Variants in XG observed in about 807,000 individuals in gnomAD.
XG encodes Xg glycoprotein (Xg blood group).
XG carries 24 observed loss-of-function variants against 25.7 expected under a neutral mutation model. The ratio of observed to expected loss-of-function variants is 0.93; its 90% CI spans 0.68 to 1.31. XG has a LOEUF of 1.31. XG is among the 40% of genes most tolerant of loss of function. The probability of loss-of-function intolerance (pLI) is 0.00; values close to 1 mark genes in which losing one functional copy is unlikely to be tolerated. For synonymous variants in XG, 77 were observed against 69.2 expected (o/e 1.11, Z -0.56); for missense variants, 181 against 187.6 (o/e 0.96, Z 0.21).
chrX:2,792,165 A>G (rs138391642), intron 5 of XG, among the ~76,000 whole-genome samples: 1,380 of 111,321 alleles, frequency 0.012, 27 homozygotes, highest in African/African-American at 0.042. Context: ...ACCTGTAATC[A>G]CAACTACTTG....
intron 6 of XG, among the ~76,000 whole-genome samples, chrX:2,796,137 A>G (rs1287810715): frequency 3.2e-4 from 34 of 106,846 alleles, no homozygotes; most frequent in African/African-American, 1.1e-3. Context: ...ATATGCTTTT[A>G]TATATGTATG....
intron 1 of XG, among the ~76,000 whole-genome samples, chrX:2,757,737 C>T (rs1202916521): frequency 2.0e-5 from 3 of 151,628 alleles, no homozygotes; most frequent in Admixed American, 1.3e-4. Flanking sequence ...TTTGGGAGGC[C>T]GAGTTGGGCA....
intron 3 of XG, among the ~76,000 whole-genome samples, chrX:2,777,831 C>T (rs1479379635): frequency 6.6e-6 from 1 of 151,950 alleles, no homozygotes; most frequent in African/African-American, 2.4e-5. Flanking sequence ...GAAGCCGAGG[C>T]GGGTGGATCA....
intron 1 of XG, among the ~76,000 whole-genome samples, chrX:2,756,925 C>T (rs185415214): frequency 2.0e-5 from 3 of 152,296 alleles, no homozygotes; most frequent in Admixed American, 1.3e-4. Context: ...GCCATCCGCA[C>T]GTGGCTTAAG....
rs1330316549 is a variant in XG, at chrX:2,815,537, G to GC, written c.*1158dup. 1.8e-5 allele frequency: 2 copies of GC among 111,357 alleles called. No individual in the cohort carries two copies. Among genetic ancestry groups the GC allele is most frequent in the Non-Finnish European group, 3.8e-5 (2 of 53,085 alleles). 9.2% of individuals were successfully genotyped at this position (111,357 alleles called of 1,213,427 possible). On this transcript the variant is annotated 3_prime_UTR_variant, in exon 11 of 11. Transcript: ENST00000644266. ...TTGAAAGTGGAAAGCACTTGAAAGGGCTCCCCGGTTTGTAAAATATCTTTA... is the reference window on the plus strand; with the variant it reads ...TTGAAAGTGGAAAGCACTTGAAAGGGCCTCCCCGGTTTGTAAAATATCTTTA...
chrX:2,777,409 A>C (rs1159058385), intron 3 of XG, among the ~76,000 whole-genome samples: 1 of 151,876 alleles, frequency 6.6e-6, no homozygotes, highest in East Asian at 1.9e-4. Context: ...AAAATTAAAT[A>C]CAAAAAAAAT....
intron 1 of XG, among the ~76,000 whole-genome samples, chrX:2,757,522 T>C (rs1042664493): frequency 1.3e-5 from 2 of 151,964 alleles, no homozygotes; most frequent in African/African-American, 4.8e-5. Flanking sequence ...AAAAGACTTA[T>C]GAAAAAGATC....
At chrX:2,765,088 C>T (rs2050650173) in intron 1 of XG, among the ~76,000 whole-genome samples, 1 of 143,328 alleles carries the variant, frequency 7.0e-6, no homozygotes, top group Non-Finnish European at 1.5e-5. Flanking sequence ...CGGCTCATGC[C>T]TGTAATCTCC....
At chrX:2,774,407 C>T (rs1308354120) in intron 2 of XG, among the ~76,000 whole-genome samples, 1 of 130,180 alleles carries the variant, frequency 7.7e-6, no homozygotes, top group Non-Finnish European at 1.7e-5. Context: ...CCCTGCCTCA[C>T]CCTCCACCGT....
Position 2,774,724 on chromosome X carries a change from A to G in XG, c.112A>G (p.Lys38Glu). 2 of 1,613,842 alleles carry G rather than the reference A, an allele frequency of 1.2e-6. No individual in the cohort carries two copies. Among genetic ancestry groups the G allele is most frequent in the Non-Finnish European group, 1.7e-6 (2 of 1,179,828 alleles). The change falls in exon 3 of 11, where the codon AAG becomes GAG. Residue 38 changes from lysine to glutamate, a missense_variant. Coordinates refer to ENST00000644266, the MANE Select transcript of XG (RefSeq NM_001141919.2). ...ADALDDPEPT[K>E]KPNSDIYPKP... ...TCTCTCTTTGTTCACAGAACCCACC[A>G]AGAAGCCAAACTCAGGTGAGTGTCT...
chrX:2,780,408 G>A (rs1247212249), intron 3 of XG, among the ~76,000 whole-genome samples: 1 of 106,362 alleles, frequency 9.4e-6, no homozygotes, highest in South Asian at 4.0e-4. Flanking sequence ...AAACAATTGG[G>A]CTTTTTTTTT....
intron 4 of XG, among the ~76,000 whole-genome samples, chrX:2,783,479 G>A (rs1275761521): frequency 8.9e-6 from 1 of 112,616 alleles, no homozygotes; most frequent in Non-Finnish European, 1.9e-5. Flanking sequence ...ATGTTTGCCA[G>A]GCAGAGCAGC....
At chrX:2,774,230 G>C (rs1171971217) in intron 2 of XG, among the ~76,000 whole-genome samples, 4 of 152,034 alleles carry the variant, frequency 2.6e-5, no homozygotes, top group African/African-American at 9.7e-5. Flanking sequence ...GCACACCCAG[G>C]TTCACTAAGC....
intron 3 of XG, among the ~76,000 whole-genome samples, chrX:2,778,785 T>G (rs1464594774): frequency 6.6e-6 from 1 of 151,828 alleles, no homozygotes; most frequent in East Asian, 1.9e-4. Flanking sequence ...CTTTTTTTTT[T>G]TTTTTTGAGA....
At chrX:2,773,200 A>G (rs2050863287) in intron 2 of XG, among the ~76,000 whole-genome samples, 1 of 150,636 alleles carries the variant, frequency 6.6e-6, no homozygotes, top group Non-Finnish European at 1.5e-5. Context: ...GGAGGGAAGA[A>G]AAGGAAGAAG....
intron 3 of XG, among the ~76,000 whole-genome samples, chrX:2,775,312 A>G (rs889201146): frequency 2.0e-5 from 3 of 152,242 alleles, no homozygotes; most frequent in East Asian, 1.9e-4. Context: ...GGAATGAAGC[A>G]CTGAAAATTG....
chrX:2,782,535 A>G (rs190878529), intron 4 of XG, among the ~76,000 whole-genome samples: 267 of 111,247 alleles, frequency 2.4e-3, no homozygotes, highest in African/African-American at 7.0e-3. Flanking sequence ...ATAAGTTGGC[A>G]GGTAGGGGCT....
At chrX:2,772,786 C>G (rs311154) in intron 2 of XG, among the ~76,000 whole-genome samples, 4,044 of 152,268 alleles carry the variant, frequency 0.027, 184 homozygotes, top group African/African-American at 0.092. Context: ...TCATTGCTCA[C>G]CTAGAAGGCT....
intron 2 of XG, among the ~76,000 whole-genome samples, chrX:2,773,569 A>AAGGAAGGAGAGAG (rs2050890484): frequency 8.7e-5 from 5 of 57,336 alleles, no homozygotes; most frequent in Admixed American, 1.5e-4. Context: ...GAAGGAGAGA[A>AAGGAAGGAGAGAG]GGAAGGAAGG....
Sources: gnomAD v4.1 joint callset for allele counts (sites outside exome capture counted in the v4.1 genomes callset) on GRCh38, gnomAD v4.1.1 for gene constraint, MANE v1.5 for transcripts, NCBI Gene and HGNC (gene_info 2026-07-23, HGNC 2026-07-21) for gene names.